The following PNLIPRP1 variants were observed in gnomAD, a reference collection of about 807,000 sequenced individuals.
PNLIPRP1 encodes pancreatic lipase related protein 1, also known as inactive pancreatic lipase-related protein 1.
A neutral mutation model predicts 54.6 loss-of-function variants in PNLIPRP1; 57 were observed. The ratio of observed to expected loss-of-function variants is 1.04; its 90% CI spans 0.84 to 1.30. The LOEUF (loss-of-function observed/expected upper bound fraction) is 1.30, where lower values mean the gene tolerates loss of function less well. Among genes scored for constraint, PNLIPRP1 ranks in the 50% most tolerant of loss-of-function variants. PNLIPRP1 has a pLI of 0.00. For missense variants in PNLIPRP1, 567 were observed against 568.5 expected, an observed-to-expected ratio of 1.00 and a Z score of 0.03; for synonymous variants, 232 against 208.8, an observed-to-expected ratio of 1.11 and a Z score of -0.96.
intron 11 of PNLIPRP1, among the ~76,000 whole-genome samples, chr10:116,605,040 C>T (rs1847914822): frequency 6.6e-6 from 1 of 152,112 alleles, no homozygotes; most frequent in African/African-American, 2.4e-5. Context: ...AATATTACTT[C>T]AGATATGCTG....
rs1554864224 is a variant in PNLIPRP1 at position 116,598,123 on chromosome 10, G to A, written c.771G>A (p.Lys257=). The A allele has an allele frequency of 1.9e-6, 3 of 1,614,036 alleles. No homozygotes were observed. The highest frequency in any genetic ancestry group is 1.7e-5 in the Admixed American group (1 of 60,008). Residue 257 remains lysine, a synonymous_variant, in exon 8 of 13, where the codon AAG becomes AAA. Coordinates refer to ENST00000358834, the MANE Select transcript of PNLIPRP1 (RefSeq NM_006229.4). Reference sequence around the variant, plus strand: ...GAGAGAGCATGCCGGGATGCAAGAAGAATGCCCTGTCTCAGATCGTGGATC... The same window carrying A: ...GAGAGAGCATGCCGGGATGCAAGAAAAATGCCCTGTCTCAGATCGTGGATC... The part of the protein sequence containing the change: ...NGGESMPGCK[K]NALSQIVDLD...
chr10:116,602,016 ATT>A lies in PNLIPRP1; in HGVS notation c.1063+831_1063+832del, dbSNP rs58771473. Among the ~76,000 whole-genome samples the A allele has an allele frequency of 8.1e-3, 1,124 of 138,054 alleles. 10 individuals are homozygous for A. The highest frequency in any genetic ancestry group is 0.026 in the African/African-American group (973 of 37,406). 90.6% of individuals were successfully genotyped at this position (138,054 alleles called of 152,430 possible). On this transcript the variant is annotated intron_variant, in intron 10 of 12. Transcript: ENST00000358834. Reference sequence around the variant, plus strand: ...CTATCACCATATATATCACTCTGTAATTTTTTTTTTTTTTTTTGAGACGGAGT... The same window carrying A: ...CTATCACCATATATATCACTCTGTAATTTTTTTTTTTTTTTGAGACGGAGT...
At chr10:116,591,610 T>G (rs1847637591) in intron 2 of PNLIPRP1, among the ~76,000 whole-genome samples, 161 bp from the exon 3 acceptor site, 1 of 152,098 alleles carries the variant, frequency 6.6e-6, no homozygotes, top group Non-Finnish European at 1.5e-5. Flanking sequence ...CAGTAGTAGG[T>G]GGGCACTGGG....
rs199580466 is a variant in PNLIPRP1 at position 116,609,130 on chromosome 10, C to G, written c.*14C>G. 2.6e-3 allele frequency: 4,196 copies of G among 1,594,478 alleles called. 5 individuals carry two copies. The highest frequency in any genetic ancestry group is 3.2e-3 in the Non-Finnish European group (3,755 of 1,167,414). ...ACGCCCTGCTAAGCTCCCGGGGCGA[C>G]GAGGCTGCTGCGTTCACACTAATAA... On this transcript the variant is annotated 3_prime_UTR_variant, in exon 13 of 13. Coordinates refer to ENST00000358834, the MANE Select transcript of PNLIPRP1 (RefSeq NM_006229.4).
chr10:116,592,068 C>T (rs1847649413), intron 3 of PNLIPRP1, 143 bp downstream of exon 3: 1 of 822,728 alleles, frequency 1.2e-6, no homozygotes, highest in Non-Finnish European at 1.9e-6. Context: ...CCTAGCTAGA[C>T]CTAGACAGAG....
In PNLIPRP1 at chr10:116,601,071, G is replaced by T; in HGVS notation, c.934-1G>T. On this transcript the variant is annotated splice_acceptor_variant, in intron 9 of 12. Transcript: ENST00000358834. LOFTEE classifies it high-confidence loss of function. ...CAGTCCCATCTATCTCTTCTCATTA[G>T]GACAAGTGCTTCCCGTGTCCAGATC... is the stretch of plus-strand genomic sequence containing the variant. 1 of 1,610,788 alleles carries T rather than the reference G, an allele frequency of 6.2e-7. No individual in the cohort carries two copies. Among genetic ancestry groups the T allele is most frequent in the African/African-American group, 1.3e-5 (1 of 74,862 alleles).
chr10:116,596,718 A>C (rs2133231809), intron 6 of PNLIPRP1, among the ~76,000 whole-genome samples: 1 of 152,272 alleles, frequency 6.6e-6, no homozygotes, highest in Non-Finnish European at 1.5e-5. Flanking sequence ...TCAAGGGCAG[A>C]ATAGAACCTA....
At chr10:116,598,783 ACT>A (rs1281881007) in intron 8 of PNLIPRP1, among the ~76,000 whole-genome samples, 1 of 152,126 alleles carries the variant, frequency 6.6e-6, no homozygotes, top group Non-Finnish European at 1.5e-5. Flanking sequence ...CACAGCTCTG[ACT>A]CTGTATCTAA....
intron 12 of PNLIPRP1, among the ~76,000 whole-genome samples, chr10:116,607,375 A>G (rs1847952574): frequency 6.6e-6 from 1 of 152,176 alleles, no homozygotes; most frequent in African/African-American, 2.4e-5. Context: ...AATCAGACTT[A>G]TGGTTCACAG....
At chr10:116,591,109 T>C in intron 1 of PNLIPRP1, 21 bp from the exon 2 acceptor site, 1 of 1,609,194 alleles carries the variant, frequency 6.2e-7, no homozygotes, top group South Asian at 1.1e-5. Flanking sequence ...TGAGACTGAA[T>C]TATGTTTAAA....
rs782303916 is a variant in PNLIPRP1, at chr10:116,591,845, C to T, written c.124C>T (p.Leu42=). The part of the protein sequence containing the change: ...EPWGGTAIRP[L]KILPWSPEKI... ...CTGGGGCGGGACAGCAATCAGGCCC[C>T]TGAAAATTCTCCCCTGGAGCCCTGA... The change falls in exon 3 of 13, where the codon CTG becomes TTG. Residue 42 remains leucine (L), a synonymous_variant. Transcript: ENST00000358834. 1.2e-6 allele frequency: 2 copies of T among 1,614,222 alleles called. No individual in the cohort carries two copies. The highest frequency in any genetic ancestry group is 1.1e-5 in the South Asian group (1 of 91,084).
At chr10:116,606,426 G>A (rs111315892) in intron 12 of PNLIPRP1, among the ~76,000 whole-genome samples, 18 of 152,284 alleles carry the variant, frequency 1.2e-4, no homozygotes, top group African/African-American at 4.3e-4. Context: ...ATAAGCTAGA[G>A]CATAGTACAG....
chr10:116,591,776 G>A lies in PNLIPRP1; in HGVS notation c.55G>A (p.Glu19Lys). 1 of 1,614,136 alleles carries A rather than the reference G, an allele frequency of 6.2e-7. No homozygotes were observed. The highest frequency in any genetic ancestry group is 8.5e-7 in the Non-Finnish European group (1 of 1,180,018). The change falls in exon 3 of 13, where the codon GAA (glutamate) becomes AAA (lysine). Residue 19 changes from glutamate (E) to lysine (K), a missense_variant. Transcript: ENST00000358834. ...LFLLGAAKGK[E>K]VCYEDLGCFS... ...GATTCAACCTTTCTCTGTAGGAAAA[G>A]AAGTTTGCTATGAGGACCTCGGGTG...
At chr10:116,599,256 G>GAAAATAAAATAAAATAAAATAAAAT (rs10640431) in intron 8 of PNLIPRP1, among the ~76,000 whole-genome samples, 17,091 of 133,712 alleles carry the variant, frequency 0.13, 1,397 homozygotes, top group East Asian at 0.2. Flanking sequence ...ACTCCATCTC[G>GAAAATAAAATAAAATAAAATAAAAT]AAAATAAAAT....
chr10:116,598,038 G>A lies in PNLIPRP1; in HGVS notation c.695-9G>A, dbSNP rs782780484. The A allele has an allele frequency of 1.9e-6, 3 of 1,613,960 alleles. No individual in the cohort carries two copies. The highest frequency in any genetic ancestry group is 2.7e-5 in the African/African-American group (2 of 74,914). ...GACAAAAAGCTCATTGTTTTTCTAA[G>A]CATTTCAGGTTTTGGAACGAACCAA... On this transcript the variant is annotated splice_polypyrimidine_tract_variant and intron_variant, in intron 7 of 12. Coordinates refer to ENST00000358834, the MANE Select transcript of PNLIPRP1 (RefSeq NM_006229.4).
chr10:116,594,979 CCTTA>C, intron 5 of PNLIPRP1, 115 bp downstream of exon 5: 1 of 1,281,784 alleles, frequency 7.8e-7, no homozygotes, highest in South Asian at 1.5e-5. Context: ...GATATCCAGA[CCTTA>C]CTTCTAAAAC....
At chr10:116,603,673 A>C (rs543314304) in intron 10 of PNLIPRP1, among the ~76,000 whole-genome samples, 42 of 152,276 alleles carry the variant, frequency 2.8e-4, no homozygotes, top group African/African-American at 9.9e-4. Context: ...CGGGCGGATC[A>C]CTTGAGGTCA....
chr10:116,597,619 T>A (rs571705175), intron 6 of PNLIPRP1, among the ~76,000 whole-genome samples: 1 of 152,194 alleles, frequency 6.6e-6, no homozygotes, highest in Non-Finnish European at 1.5e-5. Flanking sequence ...TTTGTCCTCC[T>A]CCATCCACGC....
At chr10:116,595,816 G>A (rs1278501017) in intron 5 of PNLIPRP1, 2 of 162,316 alleles carry the variant, frequency 1.2e-5, no homozygotes, top group African/African-American at 4.8e-5. Flanking sequence ...ACACATAGAA[G>A]GCAGCTAATC....
Sources: gnomAD v4.1 joint callset for allele counts (sites outside exome capture counted in the v4.1 genomes callset) on GRCh38, gnomAD v4.1.1 for gene constraint, MANE v1.5 for transcripts, NCBI Gene and HGNC (gene_info 2026-07-23, HGNC 2026-07-21) for gene names.